The following ARHGAP18 variants were observed in gnomAD, a reference collection of about 807,000 sequenced individuals.
ARHGAP18 encodes Rho GTPase activating protein 18.
In ARHGAP18, 67 loss-of-function variants were observed where a neutral mutation model predicts 86.2. The ratio of observed to expected loss-of-function variants is 0.78; its 90% CI spans 0.64 to 0.95. The LOEUF is 0.95. Among genes scored for constraint, ARHGAP18 ranks in the 40% least tolerant of loss-of-function variants. The pLI, the probability that ARHGAP18 is intolerant of heterozygous loss-of-function variation, is 0.00. For synonymous variants in ARHGAP18, 283 were observed against 280.4 expected, an observed-to-expected ratio of 1.01 and a Z score of -0.09; for missense variants, 691 against 780.4, an observed-to-expected ratio of 0.89 and a Z score of 1.37.
chr6:129,672,257 G>A (rs936190638), intron 1 of ARHGAP18, among the ~76,000 whole-genome samples: 3 of 152,090 alleles, frequency 2.0e-5, no homozygotes, highest in African/African-American at 4.8e-5. Context: ...TACTCTCCAC[G>A]GTACATCAAG....
chr6:129,654,317 C>T (rs902310485), intron 1 of ARHGAP18, among the ~76,000 whole-genome samples: 2 of 152,200 alleles, frequency 1.3e-5, no homozygotes, highest in African/African-American at 4.8e-5. Context: ...GCATACTGAG[C>T]TCCAGCAAAT....
At chr6:129,624,880 G>C (rs1378893035) in intron 5 of ARHGAP18, among the ~76,000 whole-genome samples, 1 of 148,004 alleles carries the variant, frequency 6.8e-6, no homozygotes, top group African/African-American at 2.5e-5. Context: ...AGGAGGCGGA[G>C]GTTGCAGTGA....
At chr6:129,683,515 C>T (rs889446426) in intron 1 of ARHGAP18, among the ~76,000 whole-genome samples, 2 of 152,072 alleles carry the variant, frequency 1.3e-5, no homozygotes, top group Non-Finnish European at 2.9e-5. Flanking sequence ...ATTGATCACA[C>T]GTTAATAATT....
intron 1 of ARHGAP18, among the ~76,000 whole-genome samples, chr6:129,681,269 G>GTA (rs1774320578): frequency 6.6e-6 from 1 of 152,134 alleles, no homozygotes; most frequent in Non-Finnish European, 1.5e-5. Context: ...GTAGAGACAG[G>GTA]GTTTTACTAT....
chr6:129,582,232 C>T (rs577339892), intron 13 of ARHGAP18, among the ~76,000 whole-genome samples: 2 of 152,160 alleles, frequency 1.3e-5, no homozygotes, highest in African/African-American at 2.4e-5. Flanking sequence ...ATTTGTCAGA[C>T]GATAGTTGTC....
intron 1 of ARHGAP18, among the ~76,000 whole-genome samples, chr6:129,642,430 A>G (rs977085749): frequency 6.6e-6 from 1 of 152,024 alleles, no homozygotes; most frequent in Non-Finnish European, 1.5e-5. Flanking sequence ...TACTACAGGT[A>G]TATACCATAT....
intron 10 of ARHGAP18, among the ~76,000 whole-genome samples, chr6:129,604,790 G>T (rs186095322): frequency 2.3e-3 from 346 of 152,286 alleles, no homozygotes; most frequent in Non-Finnish European, 3.9e-3. Context: ...TCTGATTTAG[G>T]AAAGGGAATA....
At chr6:129,594,282 T>A (rs1302220865) in intron 12 of ARHGAP18, among the ~76,000 whole-genome samples, 3 of 152,198 alleles carry the variant, frequency 2.0e-5, no homozygotes, top group African/African-American at 4.8e-5. Flanking sequence ...CCTTACTCAG[T>A]CTCTCTGCAG....
chr6:129,629,706 C>T (rs1773157327), intron 4 of ARHGAP18, among the ~76,000 whole-genome samples, 184 bp from the exon 5 acceptor site: 1 of 152,058 alleles, frequency 6.6e-6, no homozygotes, highest in Admixed American at 6.6e-5. Flanking sequence ...GGGAAGTGGG[C>T]AGGGAGACTG....
intron 2 of ARHGAP18, among the ~76,000 whole-genome samples, chr6:129,640,536 A>C (rs1773433850): frequency 6.6e-6 from 1 of 152,236 alleles, no homozygotes; most frequent in Non-Finnish European, 1.5e-5. Context: ...TGAGAGAAAA[A>C]TAACAAGAAG....
rs112591656 is a variant in ARHGAP18 at position 129,623,120 on chromosome 6, G to A, written c.787-4268C>T. Among the ~76,000 whole-genome samples, 8 of 151,764 alleles carry A rather than the reference G, an allele frequency of 5.3e-5. No individual in the cohort carries two copies. The South Asian group carries it at 1.0e-3, about 20-fold the overall frequency. On this transcript the variant is annotated intron_variant, in intron 5 of 14. Coordinates refer to ENST00000368149, the MANE Select transcript of ARHGAP18 (RefSeq NM_033515.3). ...AATTAACTAGGTAGCTTTCCCTGGC[G>A]TGTTGCTCTTTTGTAGGATTTGCAT... is the stretch of plus-strand genomic sequence containing the variant.
chr6:129,627,684 G>C (rs576055553), intron 5 of ARHGAP18, among the ~76,000 whole-genome samples: 1 of 149,872 alleles, frequency 6.7e-6, no homozygotes, highest in Admixed American at 6.7e-5. Flanking sequence ...AGAGAGAGAG[G>C]GAGAGAGAAA....
At chr6:129,647,865 C>G (rs1773612278) in intron 1 of ARHGAP18, among the ~76,000 whole-genome samples, 1 of 152,072 alleles carries the variant, frequency 6.6e-6, no homozygotes, top group African/African-American at 2.4e-5. Flanking sequence ...TAAATCTTCC[C>G]CAATTTTACC....
intron 1 of ARHGAP18, among the ~76,000 whole-genome samples, chr6:129,685,525 A>C (rs906933004): frequency 4.6e-5 from 7 of 152,198 alleles, no homozygotes; most frequent in African/African-American, 1.7e-4. Context: ...AAAATTGTGA[A>C]ATATAAATGA....
intron 8 of ARHGAP18, among the ~76,000 whole-genome samples, chr6:129,610,918 G>A (rs1364645953): frequency 6.6e-6 from 1 of 151,672 alleles, no homozygotes; most frequent in African/African-American, 2.4e-5. Flanking sequence ...TTAAGAAACA[G>A]GGTCTTATTG....
chr6:129,616,247 C>A lies in ARHGAP18; in HGVS notation c.1009G>T (p.Val337Leu). ...ATCAAGGGTATTCGCATTCCTGGTA[C>A]TTTCCTCTGATCTTGTTCTAATAGC... ...TALLEQDQRK[V>L]PGMRIPLIFQ... The change falls in exon 7 of 15, where the codon GTA becomes TTA. Residue 337 changes from valine (V) to leucine (L), a missense_variant. By Grantham distance (32) the Val-to-Leu change is conservative (BLOSUM62 1). Transcript: ENST00000368149. 1 of 1,611,748 alleles carries A rather than the reference C, an allele frequency of 6.2e-7. No homozygotes were observed. Among genetic ancestry groups the A allele is most frequent in the South Asian group, 1.1e-5 (1 of 90,484 alleles).
chr6:129,584,388 T>C (rs915499683), intron 12 of ARHGAP18, among the ~76,000 whole-genome samples: 5 of 152,260 alleles, frequency 3.3e-5, no homozygotes, highest in African/African-American at 9.6e-5. Flanking sequence ...TATTAAGTGC[T>C]GATTTCTGAG....
intron 6 of ARHGAP18, among the ~76,000 whole-genome samples, chr6:129,617,274 G>A (rs184397458): frequency 1.4e-4 from 21 of 152,238 alleles, no homozygotes; most frequent in Middle Eastern, 3.4e-3. Context: ...CTGAGTGGAC[G>A]GTTAGCACCA....
At chr6:129,640,064 AC>A (rs368822121) in intron 2 of ARHGAP18, among the ~76,000 whole-genome samples, 79 of 138,220 alleles carry the variant, frequency 5.7e-4, no homozygotes, top group Non-Finnish European at 6.4e-4. Context: ...AAAAAAAAAA[AC>A]AAACAAAAGT....
Sources: gnomAD v4.1 joint callset for allele counts (sites outside exome capture counted in the v4.1 genomes callset) on GRCh38, gnomAD v4.1.1 for gene constraint, MANE v1.5 for transcripts, NCBI Gene and HGNC (gene_info 2026-07-23, HGNC 2026-07-21) for gene names.